The following KLF12 variants were observed in gnomAD, a reference collection of about 807,000 sequenced individuals.
KLF12 encodes the protein Krueppel-like factor 12.
A neutral mutation model predicts 37.8 loss-of-function variants in KLF12; 9 were observed. The ratio of observed to expected loss-of-function variants is 0.24; its 90% confidence interval spans 0.14 to 0.42. The LOEUF (loss-of-function observed/expected upper bound fraction) is 0.42, where lower values mean the gene tolerates loss of function less well. KLF12 is among the 10% of genes least tolerant of loss of function. The probability of loss-of-function intolerance (pLI) is 1.00; values close to 1 mark genes in which losing one functional copy is unlikely to be tolerated. For missense variants in KLF12, 411 were observed against 516.0 expected (o/e 0.80, Z 1.97); for synonymous variants, 208 against 202.1 (o/e 1.03, Z -0.25).
intron 5 of KLF12, among the ~76,000 whole-genome samples, chr13:73,796,286 A>G (rs1462653714): frequency 6.6e-6 from 1 of 152,026 alleles, no homozygotes; most frequent in Non-Finnish European, 1.5e-5. Context: ...AGCACTGACA[A>G]TTCCTTCCTA....
chr13:74,205,110 T>C, the KLF12 span, among the ~76,000 whole-genome samples: 1 of 152,146 alleles, frequency 6.6e-6, no homozygotes, highest in Non-Finnish European at 1.5e-5. Flanking sequence ...GCTTGCTCTG[T>C]GAATAGCCTA....
At chr13:73,986,467 T>C (rs911444762) in intron 2 of KLF12, among the ~76,000 whole-genome samples, 2 of 152,192 alleles carry the variant, frequency 1.3e-5, no homozygotes, top group African/African-American at 4.8e-5. Context: ...CACATGTTTA[T>C]GACAAAGGTA....
At chr13:74,267,206 A>C in the KLF12 span, among the ~76,000 whole-genome samples, 4 of 152,208 alleles carry the variant, frequency 2.6e-5, no homozygotes, top group South Asian at 8.3e-4. Context: ...ATATGACCTT[A>C]TTTGAGAAAG....
the KLF12 span, among the ~76,000 whole-genome samples, chr13:74,192,016 G>T: frequency 6.6e-6 from 1 of 151,706 alleles, no homozygotes; most frequent in Non-Finnish European, 1.5e-5. Context: ...TGGCTTTTAG[G>T]TTTATGGCTC....
chr13:74,027,752 T>C lies in KLF12; in HGVS notation c.-31-32699A>G, dbSNP rs1387408036. On this transcript the variant is annotated intron_variant, in intron 1 of 7. Coordinates refer to ENST00000377669, the MANE Select transcript of KLF12 (RefSeq NM_007249.5). ...TTTTAAAGTTTTTTGGCCTCTTTTT[T>C]CTTTTTTACTTCAAAAACTTTAAAA... 3.3e-5 allele frequency among the ~76,000 whole-genome samples: 5 copies of C among 152,364 alleles called. No individual in the cohort carries two copies. In the East Asian group the frequency reaches 5.8e-4, roughly 18 times the overall value.
chr13:74,118,435 A>G (rs1877437235), intron 1 of KLF12, among the ~76,000 whole-genome samples: 1 of 152,246 alleles, frequency 6.6e-6, no homozygotes, highest in Non-Finnish European at 1.5e-5. Flanking sequence ...ATTCTTACGC[A>G]TCAAAAACAC....
chr13:73,904,464 CTTTCCTTTTTTTTTTT>C (rs1888180089), intron 3 of KLF12, among the ~76,000 whole-genome samples: 1 of 63,018 alleles, frequency 1.6e-5, no homozygotes, highest in African/African-American at 5.8e-5. Flanking sequence ...TGTTTTCTTT[CTTTCCTTTTTTTTTTT>C]TTTTTTTTTT....
intron 1 of KLF12, among the ~76,000 whole-genome samples, chr13:74,050,875 C>CA (rs1006587645): frequency 8.6e-5 from 13 of 151,644 alleles, no homozygotes; most frequent in Admixed American, 6.6e-4. Flanking sequence ...AGAAAACAGG[C>CA]AAAAAAAATC....
the KLF12 span, among the ~76,000 whole-genome samples, chr13:74,165,299 C>CTT: frequency 1.2e-4 from 12 of 98,306 alleles, no homozygotes; most frequent in Non-Finnish European, 1.6e-4. Flanking sequence ...ATTTTCTTTT[C>CTT]TTTTTTTTTT....
chr13:74,126,038 A>G (rs1351061501), intron 1 of KLF12, among the ~76,000 whole-genome samples: 1 of 152,244 alleles, frequency 6.6e-6, no homozygotes, highest in East Asian at 1.9e-4. Context: ...TAAAAATCAT[A>G]ATACAGTTCA....
At chr13:73,949,257 T>C (rs1159372471) in intron 2 of KLF12, among the ~76,000 whole-genome samples, 1 of 152,162 alleles carries the variant, frequency 6.6e-6, no homozygotes, top group Admixed American at 6.5e-5. Flanking sequence ...AAAAAAAATA[T>C]GAACACCTTA....
At chr13:73,894,994 C>A (rs541698974) in intron 3 of KLF12, among the ~76,000 whole-genome samples, 1 of 152,226 alleles carries the variant, frequency 6.6e-6, no homozygotes, top group South Asian at 2.1e-4. Context: ...TATTTCTTGG[C>A]TTATGTGGAA....
At chr13:74,196,369 C>T in the KLF12 span, among the ~76,000 whole-genome samples, 1 of 152,112 alleles carries the variant, frequency 6.6e-6, no homozygotes, top group African/African-American at 2.4e-5. Context: ...TATTTATTGC[C>T]CAGGCCCTTT....
intron 4 of KLF12, among the ~76,000 whole-genome samples, chr13:73,845,401 T>C (rs750137913): frequency 1.3e-5 from 2 of 152,168 alleles, no homozygotes; most frequent in East Asian, 3.8e-4. Flanking sequence ...ATCACCTAAA[T>C]AAATTCCAAC....
intron 1 of KLF12, among the ~76,000 whole-genome samples, chr13:74,093,718 A>AAT (rs992218877): frequency 4.0e-5 from 6 of 151,198 alleles, no homozygotes; most frequent in Admixed American, 6.6e-5. Flanking sequence ...AAAAGAAAAA[A>AAT]ATATATATAT....
chr13:73,735,474 GTCA>G (rs1877385149), intron 6 of KLF12, among the ~76,000 whole-genome samples: 1 of 152,168 alleles, frequency 6.6e-6, no homozygotes, highest in African/African-American at 2.4e-5. Context: ...TGGTCAGGAA[GTCA>G]TCCTGGAGGG....
intron 5 of KLF12, among the ~76,000 whole-genome samples, chr13:73,777,312 G>T (rs1269761403): frequency 6.6e-6 from 1 of 152,192 alleles, no homozygotes; most frequent in Non-Finnish European, 1.5e-5. Flanking sequence ...CATCCCAGAA[G>T]GTACAATGTC....
At chr13:74,156,725 T>A in the KLF12 span, among the ~76,000 whole-genome samples, 2 of 151,972 alleles carry the variant, frequency 1.3e-5, no homozygotes, top group African/African-American at 4.8e-5. Context: ...ACATGTGATA[T>A]TTGTCTTTCT....
At chr13:73,765,118 G>T (rs1381566110) in intron 5 of KLF12, 118 bp from the exon 6 acceptor site, 1 of 606,464 alleles carries the variant, frequency 1.6e-6, no homozygotes. Flanking sequence ...AAAATCCCCA[G>T]AACTTGAACC....
Sources: gnomAD v4.1 joint callset for allele counts (sites outside exome capture counted in the v4.1 genomes callset) on GRCh38, gnomAD v4.1.1 for gene constraint, MANE v1.5 for transcripts, NCBI Gene and HGNC (gene_info 2026-07-23, HGNC 2026-07-21) for gene names.